The following TXNDC11 variants were observed in gnomAD, a reference collection of about 807,000 sequenced individuals.
The protein encoded by TXNDC11 is thioredoxin domain-containing protein 11.
TXNDC11 carries 68 observed loss-of-function variants against 78.0 expected under a neutral mutation model. The observed-to-expected ratio is 0.87, with a 90% CI of 0.72 to 1.07. TXNDC11 has a LOEUF of 1.07. Among genes scored for constraint, TXNDC11 ranks in the 50% least tolerant of loss-of-function variants. TXNDC11 has a pLI of 0.00. For missense variants in TXNDC11, 1,389 were observed against 1,221.8 expected (o/e 1.14, Z -2.04); for synonymous variants, 571 against 495.2 (o/e 1.15, Z -2.03).
intron 5 of TXNDC11, among the ~76,000 whole-genome samples, chr16:11,703,463 GT>G (rs2051090183): frequency 6.6e-6 from 1 of 151,346 alleles, no homozygotes; most frequent in African/African-American, 2.4e-5. Flanking sequence ...ACCCTGTGAT[GT>G]TAAATTGAAA....
At chr16:11,722,868 A>C (rs927665714) in intron 4 of TXNDC11, among the ~76,000 whole-genome samples, 3 of 152,216 alleles carry the variant, frequency 2.0e-5, no homozygotes, top group Non-Finnish European at 2.9e-5. Flanking sequence ...GAAACTTTTG[A>C]TCTGTAGTAG....
intron 8 of TXNDC11, 104 bp downstream of exon 8, chr16:11,691,186 G>A (rs2050703201): frequency 6.3e-6 from 6 of 958,198 alleles, no homozygotes; most frequent in Non-Finnish European, 6.3e-6. Context: ...CTACGAAGGT[G>A]ACATCACCCC....
At chr16:11,699,982 G>A (rs1260463832) in intron 6 of TXNDC11, among the ~76,000 whole-genome samples, 5 of 152,216 alleles carry the variant, frequency 3.3e-5, no homozygotes, top group Non-Finnish European at 5.9e-5. Flanking sequence ...TCTCTGGGAT[G>A]AGAAGCCATC....
At chr16:11,685,129 C>A (rs755472832) in intron 10 of TXNDC11, among the ~76,000 whole-genome samples, 2 of 152,160 alleles carry the variant, frequency 1.3e-5, no homozygotes, top group Non-Finnish European at 2.9e-5. Flanking sequence ...TTTGGGAGGC[C>A]GAGGTGGGTG....
intron 4 of TXNDC11, among the ~76,000 whole-genome samples, chr16:11,722,297 C>T (rs529595207): frequency 6.4e-4 from 98 of 152,282 alleles, no homozygotes; most frequent in Admixed American, 1.8e-3. Flanking sequence ...CTCCTCCACC[C>T]TACACATTCA....
At chr16:11,698,504 G>A (rs754665413) in intron 6 of TXNDC11, among the ~76,000 whole-genome samples, 179 bp from the exon 7 acceptor site, 2 of 152,224 alleles carry the variant, frequency 1.3e-5, no homozygotes, top group Admixed American at 6.5e-5. Flanking sequence ...CCTCACAAGT[G>A]GTTGAAAAAA....
At chr16:11,720,550 G>A (rs1048074409) in intron 5 of TXNDC11, among the ~76,000 whole-genome samples, 1 of 151,266 alleles carries the variant, frequency 6.6e-6, no homozygotes, top group African/African-American at 2.4e-5. Flanking sequence ...CAAGTAGCTG[G>A]GACTACAAGC....
Position 11,713,111 on chromosome 16 carries a change from A to T in TXNDC11, c.793+8466T>A, listed in dbSNP as rs199582497. The stretch of plus-strand genomic sequence containing the variant: ...AACAAGAGTGAAACTCTGTCTCAGG[A>T]AAAAAAAAAAAAAAAAAAATTGCCA... On this transcript the variant is annotated intron_variant, in intron 5 of 11. Coordinates refer to ENST00000283033, the MANE Select transcript of TXNDC11 (RefSeq NM_015914.7). 4.2e-4 allele frequency among the ~76,000 whole-genome samples: 5 copies of T among 11,996 alleles called. No homozygotes were observed. The Admixed American group carries it at 5.3e-3, about 13-fold the overall frequency. 7.9% of individuals were successfully genotyped at this position (11,996 alleles called of 152,430 possible). A position where few individuals can be genotyped will look rare whatever the true frequency, so the allele number is the denominator to read the frequency against.
At position 11,730,732 on chromosome 16, in the gene TXNDC11, G is replaced by A; in HGVS notation, c.612C>T (p.Tyr204=). The change falls in exon 4 of 12, where the codon TAC becomes TAT. Residue 204 remains tyrosine (Y), a synonymous_variant. Coordinates refer to ENST00000283033, the MANE Select transcript of TXNDC11 (RefSeq NM_015914.7). ...TCACCCGGCGGACAAACTTCTCAAT[G>A]TAAACAGCACTCATGGGGCCTTTGT... The part of the protein sequence containing the change: ...IEYKGPMSAV[Y]IEKFVRRVMK... The A allele has an allele frequency of 6.2e-7, 1 of 1,613,576 alleles. No individual in the cohort carries two copies. Among genetic ancestry groups the A allele is most frequent in the Non-Finnish European group, 8.5e-7 (1 of 1,179,646 alleles).
chr16:11,729,407 C>G (rs1337915761), intron 4 of TXNDC11, among the ~76,000 whole-genome samples: 1 of 152,180 alleles, frequency 6.6e-6, no homozygotes, highest in African/African-American at 2.4e-5. Flanking sequence ...GAACTAAAAG[C>G]AGAATAACTA....
intron 6 of TXNDC11, 113 bp downstream of exon 6, chr16:11,700,339 A>G (rs1415786145): frequency 3.9e-6 from 2 of 507,432 alleles, no homozygotes; most frequent in African/African-American, 4.0e-5. Flanking sequence ...ATAAAATCAT[A>G]TGCGCTTTTC....
intron 5 of TXNDC11, chr16:11,721,165 C>T (rs112851020): frequency 0.069 from 10,915 of 158,590 alleles, 524 homozygotes; most frequent in South Asian, 0.18. Context: ...GACGGCTGGG[C>T]GCAGTGGCTC....
At chr16:11,686,985 A>G (rs1048118910) in intron 10 of TXNDC11, among the ~76,000 whole-genome samples, 2 of 152,222 alleles carry the variant, frequency 1.3e-5, no homozygotes, top group African/African-American at 4.8e-5. Context: ...GGTAATATGT[A>G]TATCAAAAAC....
At chr16:11,725,563 G>A (rs2051850848) in intron 4 of TXNDC11, among the ~76,000 whole-genome samples, 1 of 152,180 alleles carries the variant, frequency 6.6e-6, no homozygotes, top group Non-Finnish European at 1.5e-5. Context: ...CCACAAGGCT[G>A]GGCTGTCGTC....
chr16:11,703,509 TACACACACACACACAC>T (rs34963301), intron 5 of TXNDC11, among the ~76,000 whole-genome samples: 3,292 of 145,036 alleles, frequency 0.023, 123 homozygotes, highest in African/African-American at 0.082. Context: ...AGGCTTTTGA[TACACACACACACACAC>T]ACACACACAC....
At chr16:11,697,605 C>G (rs1268838123) in intron 7 of TXNDC11, among the ~76,000 whole-genome samples, 2 of 152,176 alleles carry the variant, frequency 1.3e-5, no homozygotes, top group African/African-American at 4.8e-5. Flanking sequence ...CCTCTGAAAA[C>G]CACTCTGGCT....
At chr16:11,684,773 T>A (rs1488196774) in intron 10 of TXNDC11, among the ~76,000 whole-genome samples, 20 of 152,316 alleles carry the variant, frequency 1.3e-4, no homozygotes, top group Non-Finnish European at 4.4e-5. Flanking sequence ...CTGTGGGAGC[T>A]AACCGCAACT....
chr16:11,687,987 A>T, intron 9 of TXNDC11, 21 bp from the exon 10 acceptor site: 1 of 1,550,490 alleles, frequency 6.4e-7, no homozygotes, highest in South Asian at 1.1e-5. Context: ...GGGAAGACAG[A>T]TGTTACTTGC....
At chr16:11,699,482 G>C (rs756034023) in intron 6 of TXNDC11, among the ~76,000 whole-genome samples, 3 of 152,248 alleles carry the variant, frequency 2.0e-5, no homozygotes, top group African/African-American at 4.8e-5. Flanking sequence ...TGATTGTCAA[G>C]GTGGGACGAT....
Sources: allele counts gnomAD v4.1 joint callset (sites outside exome capture counted in the v4.1 genomes callset), GRCh38; gene constraint gnomAD v4.1.1; transcripts MANE v1.5; gene names NCBI Gene and HGNC (gene_info 2026-07-23, HGNC 2026-07-21).